The following RGS8 variants were observed in gnomAD, a reference collection of about 807,000 sequenced individuals.
The protein encoded by RGS8 is regulator of G-protein signaling 8.
RGS8 carries 8 observed loss-of-function variants against 21.7 expected under a neutral mutation model. The ratio of observed to expected loss-of-function variants is 0.37; its 90% CI spans 0.22 to 0.66. The LOEUF is 0.66. Ranked by LOEUF, RGS8 falls within the 30% of genes least tolerant of loss-of-function variation. The probability of loss-of-function intolerance (pLI) is 0.59; values close to 1 mark genes in which losing one functional copy is unlikely to be tolerated. For missense variants in RGS8, 157 were observed against 217.9 expected (o/e 0.72, Z 1.76); for synonymous variants, 80 against 83.6 (o/e 0.96, Z 0.24).
upstream of RGS8, among the ~76,000 whole-genome samples, chr1:182,686,754 C>G (rs979073415): frequency 1.3e-5 from 2 of 151,996 alleles, no homozygotes; most frequent in Admixed American, 6.6e-5. Context: ...TGGGAGCTCT[C>G]CACCTGAAGA....
chr1:182,728,750 G>A, the RGS8 span, among the ~76,000 whole-genome samples: 2 of 152,120 alleles, frequency 1.3e-5, no homozygotes, highest in Non-Finnish European at 2.9e-5. Flanking sequence ...ATATTTGATA[G>A]GAGAGAATCA....
the RGS8 span, among the ~76,000 whole-genome samples, chr1:182,729,204 T>A: frequency 7.2e-5 from 11 of 152,222 alleles, no homozygotes; most frequent in Non-Finnish European, 1.3e-4. Context: ...TCTGAATGGA[T>A]GGTAAAAATG....
chr1:182,724,717 C>A, the RGS8 span, among the ~76,000 whole-genome samples: 1 of 152,130 alleles, frequency 6.6e-6, no homozygotes, highest in Non-Finnish European at 1.5e-5. Context: ...GCCACCACAC[C>A]TGGCTAATTT....
At chr1:182,705,545 C>CAAGACAGTATATAGAGAGT in the RGS8 span, among the ~76,000 whole-genome samples, 1 of 151,074 alleles carries the variant, frequency 6.6e-6, no homozygotes, top group African/African-American at 2.4e-5. Context: ...TTTTTTATAG[C>CAAGACAGTATATAGAGAGT]TACTTTATCT....
chr1:182,669,572 G>A (rs1664048902), intron 3 of RGS8, 52 bp downstream of exon 4: 3 of 1,613,590 alleles, frequency 1.9e-6, no homozygotes, highest in Middle Eastern at 1.7e-4. Flanking sequence ...GTGACAAGGT[G>A]GAGAAAAGAG....
intron 3 of RGS8, among the ~76,000 whole-genome samples, chr1:182,668,308 A>G (rs1215892095): frequency 6.6e-6 from 1 of 152,252 alleles, no homozygotes; most frequent in Non-Finnish European, 1.5e-5. Context: ...TAGAAAAAGG[A>G]AGTGCCGCTT....
chr1:182,709,049 T>A, the RGS8 span, among the ~76,000 whole-genome samples: 4 of 132,690 alleles, frequency 3.0e-5, no homozygotes, highest in South Asian at 4.9e-4. Context: ...CGTTTCTCTC[T>A]TTGGTTTTAG....
intron 4 of RGS8, 63 bp from the exon 6 acceptor site, chr1:182,666,096 G>A (rs1297221770): frequency 8.5e-6 from 12 of 1,404,870 alleles, no homozygotes; most frequent in Admixed American, 3.4e-5. Context: ...CTCAACAACC[G>A]CTAAGATTTG....
the RGS8 span, chr1:182,714,262 C>T: frequency 6.6e-6 from 1 of 152,182 alleles, no homozygotes; most frequent in Non-Finnish European, 1.5e-5. Flanking sequence ...CTGAATTTAT[C>T]ATTATAAATA....
the RGS8 span, among the ~76,000 whole-genome samples, chr1:182,725,265 C>T: frequency 2.6e-5 from 4 of 152,064 alleles, no homozygotes; most frequent in African/African-American, 4.8e-5. Flanking sequence ...CAAAACAATG[C>T]CCCCCAACCC....
downstream of RGS8, chr1:182,642,364 T>TG (rs1662504628): frequency 6.6e-6 from 1 of 152,288 alleles, no homozygotes; most frequent in Admixed American, 6.5e-5. Context: ...GAGTGAAGGG[T>TG]GGCCTGGGAT....
the RGS8 span, among the ~76,000 whole-genome samples, chr1:182,720,396 A>G: frequency 1.3e-5 from 2 of 152,172 alleles, no homozygotes; most frequent in African/African-American, 4.8e-5. Flanking sequence ...AATGCCTGCT[A>G]TGTAAGAGTA....
the RGS8 span, among the ~76,000 whole-genome samples, chr1:182,689,893 C>T: frequency 5.3e-5 from 8 of 152,350 alleles, no homozygotes; most frequent in African/African-American, 1.9e-4. Flanking sequence ...ATCTCAAGGT[C>T]ACTTCTAGGG....
the RGS8 span, among the ~76,000 whole-genome samples, chr1:182,693,751 GA>G: frequency 6.6e-6 from 1 of 152,210 alleles, no homozygotes. Context: ...ACTGGATAAA[GA>G]AAATGTGGTA....
chr1:182,660,834 T>A (rs575099544), intron 5 of RGS8, among the ~76,000 whole-genome samples: 1 of 151,868 alleles, frequency 6.6e-6, no homozygotes, highest in South Asian at 2.1e-4. Flanking sequence ...GCCCCAGGGA[T>A]CCTGATTCAG....
downstream of RGS8, chr1:182,643,925 C>A (rs576641179): frequency 6.6e-6 from 1 of 152,312 alleles, no homozygotes; most frequent in Non-Finnish European, 1.5e-5. Context: ...ACTTGCCCTG[C>A]CCTGGCTTGC....
upstream of RGS8, among the ~76,000 whole-genome samples, chr1:182,688,150 G>T (rs1362280748): frequency 6.6e-6 from 1 of 152,194 alleles, no homozygotes; most frequent in Non-Finnish European, 1.5e-5. Flanking sequence ...ATATTCAGAG[G>T]AAGAGATTAA....
chr1:182,651,576 A>C (rs997243286), intron 5 of RGS8, among the ~76,000 whole-genome samples: 2 of 152,240 alleles, frequency 1.3e-5, no homozygotes, highest in Non-Finnish European at 2.9e-5. Flanking sequence ...TCGAAAAATC[A>C]TAAGTTGAAC....
intron 6 of RGS8, among the ~76,000 whole-genome samples, chr1:182,647,594 C>T (rs1447494039): frequency 6.6e-6 from 1 of 152,150 alleles, no homozygotes; most frequent in Non-Finnish European, 1.5e-5. Context: ...CCTATTATTA[C>T]AAATAAGTAT....
Sources: allele counts gnomAD v4.1 joint callset (sites outside exome capture counted in the v4.1 genomes callset), GRCh38; gene constraint gnomAD v4.1.1; transcripts MANE v1.5; gene names NCBI Gene and HGNC (gene_info 2026-07-23, HGNC 2026-07-21).